ARHGEF7: variants seen among roughly 807,000 people sequenced by gnomAD.
ARHGEF7 encodes the protein PAK-interacting exchange factor beta.
In ARHGEF7, 33 loss-of-function variants were observed where a neutral mutation model predicts 109.8. That is an observed-to-expected ratio of 0.30 (90% confidence interval 0.23 to 0.40). The LOEUF (loss-of-function observed/expected upper bound fraction) is 0.40. ARHGEF7 is among the 10% of genes least tolerant of loss of function. The pLI is 1.00. For synonymous variants in ARHGEF7, 458 were observed against 424.6 expected (o/e 1.08, Z -0.97); for missense variants, 938 against 1,098.5 (o/e 0.85, Z 2.07).
intron 1 of ARHGEF7, 34 bp from the exon 2 acceptor site, chr13:111,153,871 C>T: frequency 2.5e-6 from 4 of 1,580,556 alleles, no homozygotes; most frequent in Non-Finnish European, 2.6e-6. Flanking sequence ...CCGCTGCCGG[C>T]CACGGCGCTC....
chr13:111,270,474 A>C (rs2092049958), intron 9 of ARHGEF7, among the ~76,000 whole-genome samples: 1 of 152,168 alleles, frequency 6.6e-6, no homozygotes, highest in Admixed American at 6.5e-5. Context: ...AACATTTATA[A>C]AATTTCATTT....
At position 111,280,531 on chromosome 13, in the gene ARHGEF7, C is replaced by T; in HGVS notation, c.1586-7C>T. The T allele has an allele frequency of 6.2e-7, 1 of 1,600,026 alleles. No individual in the cohort carries two copies. Among genetic ancestry groups the T allele is most frequent in the Non-Finnish European group, 8.5e-7 (1 of 1,174,076 alleles). On this transcript the variant is annotated splice_region_variant and splice_polypyrimidine_tract_variant and intron_variant, in intron 14 of 21. Transcript: ENST00000646102. The stretch of plus-strand genomic sequence containing the variant: ...CACTCGGCCTATTTTTTCCTTCTCT[C>T]CTATAGGGAGCATGATTGAGCGGAT...
At chr13:111,288,517 C>G (rs1445619086) in intron 18 of ARHGEF7, 74 bp downstream of exon 18, 2 of 1,256,474 alleles carry the variant, frequency 1.6e-6, no homozygotes, top group East Asian at 2.4e-5. Flanking sequence ...CTGAAGGAAC[C>G]TGTTGTGGTA....
chr13:111,298,926 G>A (rs187097395), intron 19 of ARHGEF7, among the ~76,000 whole-genome samples: 1 of 152,356 alleles, frequency 6.6e-6, no homozygotes, highest in East Asian at 1.9e-4. Context: ...TGCTACATTT[G>A]ATCCTAAGAT....
At chr13:111,292,023 T>C (rs2093303897) in intron 18 of ARHGEF7, 95 bp from the exon 19 acceptor site, 1 of 1,018,616 alleles carries the variant, frequency 9.8e-7, no homozygotes, top group Admixed American at 2.2e-5. Flanking sequence ...CCCATCACCT[T>C]TTGCTTTTGT....
At chr13:111,170,429 G>A (rs374003305) in intron 2 of ARHGEF7, among the ~76,000 whole-genome samples, 8 of 152,330 alleles carry the variant, frequency 5.3e-5, no homozygotes, top group East Asian at 1.9e-4. Context: ...AAGACCAAAC[G>A]TGGACGTCAG....
At chr13:111,238,991 G>A (rs563675244) in intron 6 of ARHGEF7, among the ~76,000 whole-genome samples, 111 of 152,318 alleles carry the variant, frequency 7.3e-4, no homozygotes, top group African/African-American at 2.5e-3. Flanking sequence ...CAGTCATGGC[G>A]GAAGGCACCT....
Position 111,301,579 on chromosome 13 carries a change from A to T in ARHGEF7, c.2466+47A>T, listed in dbSNP as rs530826891. On this transcript the variant is annotated intron_variant, in intron 21 of 21. Transcript: ENST00000646102. ...AATCTTTTTTTTCTTTTCAAATGGGAGAAAAGAAGAAAATTACATTAAAAA... is the reference window on the plus strand; with the variant it reads ...AATCTTTTTTTTCTTTTCAAATGGGTGAAAAGAAGAAAATTACATTAAAAA... 113 of 1,461,736 alleles carry T rather than the reference A, an allele frequency of 7.7e-5. No homozygotes were observed. The South Asian group carries it at 1.2e-3, about 16-fold the overall frequency. 90.5% of individuals were successfully genotyped at this position (1,461,736 alleles called of 1,614,324 possible). A position where few individuals can be genotyped will look rare whatever the true frequency, so the allele number is the denominator to read the frequency against.
At chr13:111,192,682 C>T (rs886463906) in intron 2 of ARHGEF7, among the ~76,000 whole-genome samples, 3 of 152,130 alleles carry the variant, frequency 2.0e-5, no homozygotes, top group Non-Finnish European at 2.9e-5. Context: ...GGCCTCCAGG[C>T]GCAGTGAAGG....
chr13:111,294,296 C>G, intron 19 of ARHGEF7: 1 of 985,476 alleles, frequency 1.0e-6, no homozygotes, highest in Non-Finnish European at 1.2e-6. Context: ...CTCGAGACTA[C>G]TCATTAGCGC....
intron 5 of ARHGEF7, among the ~76,000 whole-genome samples, chr13:111,225,058 T>A (rs1344845589): frequency 1.3e-5 from 2 of 152,156 alleles, no homozygotes; most frequent in African/African-American, 4.8e-5. Context: ...TGGAAATGTT[T>A]CTGGCGTGTG....
At chr13:111,210,636 G>A (rs762020120) in intron 4 of ARHGEF7, among the ~76,000 whole-genome samples, 21 of 152,202 alleles carry the variant, frequency 1.4e-4, no homozygotes, top group Non-Finnish European at 2.4e-4. Flanking sequence ...AGAAACTCAA[G>A]CAGGGTTAAA....
chr13:111,216,914 A>G (rs2083222141), intron 4 of ARHGEF7, among the ~76,000 whole-genome samples: 1 of 152,220 alleles, frequency 6.6e-6, no homozygotes, highest in South Asian at 2.1e-4. Flanking sequence ...TCTGCCTTTC[A>G]GAAATCTGAA....
rs2067656232 is a variant in ARHGEF7, at chr13:111,127,614, T to C, written c.165+11923T>C. Reference sequence around the variant, plus strand: ...GCGAGCCGTGATCACACCACTGCACTTCAGCCTGGGTGCCAGAGTGAGACT... The same window carrying C: ...GCGAGCCGTGATCACACCACTGCACCTCAGCCTGGGTGCCAGAGTGAGACT... On this transcript the variant is annotated intron_variant, in intron 1 of 21. Coordinates refer to ENST00000646102, the MANE Select transcript of ARHGEF7 (RefSeq NM_001354046.2). 2.2e-5 allele frequency among the ~76,000 whole-genome samples: 3 copies of C among 138,966 alleles called. No homozygotes were observed. The Admixed American group carries it at 2.3e-4, about 11-fold the overall frequency. The allele number at this position is 138,966 out of a possible 152,430, so 91.2% of individuals were successfully genotyped here. A position where few individuals can be genotyped will look rare whatever the true frequency, so the allele number is the denominator to read the frequency against.
chr13:111,204,625 C>T (rs937426834), intron 2 of ARHGEF7, among the ~76,000 whole-genome samples: 2 of 152,062 alleles, frequency 1.3e-5, no homozygotes, highest in Non-Finnish European at 1.5e-5. Context: ...AAGTGCCTGC[C>T]AGTGGCAATG....
chr13:111,135,428 A>G (rs1308901357), intron 1 of ARHGEF7, among the ~76,000 whole-genome samples: 1 of 152,220 alleles, frequency 6.6e-6, no homozygotes, highest in African/African-American at 2.4e-5. Context: ...CTTCCTACCC[A>G]TGAGCATGGA....
At chr13:111,237,220 G>A (rs2086956428) in intron 6 of ARHGEF7, among the ~76,000 whole-genome samples, 1 of 152,148 alleles carries the variant, frequency 6.6e-6, no homozygotes, top group Admixed American at 6.5e-5. Context: ...TATAATACAA[G>A]GTTATCCTTA....
In ARHGEF7 at chr13:111,275,576, G is replaced by A; in HGVS notation, c.1317G>A (p.Gln439=). 3 of 1,614,152 alleles carry A rather than the reference G, an allele frequency of 1.9e-6. No individual in the cohort carries two copies. The highest frequency in any genetic ancestry group is 2.5e-6 in the Non-Finnish European group (3 of 1,180,026). The change falls in exon 12 of 22, where the codon CAG becomes CAA. Residue 439 remains glutamine (Q), a synonymous_variant. Transcript: ENST00000646102. ...EVRKRKELEL[Q]ILTEAIRNWE... ...GGAAGAGGAAAGAGCTTGAGCTGCA[G>A]ATCCTGACGGAAGCCATCCGGAACT...
At chr13:111,187,756 C>T (rs1163147830) in intron 2 of ARHGEF7, among the ~76,000 whole-genome samples, 1 of 152,132 alleles carries the variant, frequency 6.6e-6, no homozygotes, top group Non-Finnish European at 1.5e-5. Context: ...AGTAGGGGAG[C>T]CTTTCGAATC....
Sources: allele counts gnomAD v4.1 joint callset (sites outside exome capture counted in the v4.1 genomes callset), GRCh38; gene constraint gnomAD v4.1.1; transcripts MANE v1.5; gene names NCBI Gene and HGNC (gene_info 2026-07-23, HGNC 2026-07-21).